Variants in ZFPM2 observed in about 807,000 individuals in gnomAD.
ZFPM2 encodes zinc finger protein, FOG family member 2, also known as zinc finger protein ZFPM2.
In ZFPM2, 20 loss-of-function variants were observed where a neutral mutation model predicts 98.6. The observed-to-expected ratio is 0.20, with a 90% CI of 0.14 to 0.29. The LOEUF is 0.29. ZFPM2 is among the 10% of genes least tolerant of loss of function. The pLI is 1.00. For missense variants in ZFPM2, 1,310 were observed against 1,388.6 expected, an observed-to-expected ratio of 0.94 and a Z score of 0.90; for synonymous variants, 518 against 502.7, an observed-to-expected ratio of 1.03 and a Z score of -0.41.
At chr8:105,585,225 A>C (rs1815686923) in intron 4 of ZFPM2, among the ~76,000 whole-genome samples, 1 of 152,230 alleles carries the variant, frequency 6.6e-6, no homozygotes, top group Admixed American at 6.5e-5. Context: ...CTATGAATAT[A>C]AGGTTTCTCT....
intron 4 of ZFPM2, among the ~76,000 whole-genome samples, chr8:105,586,002 GGT>G (rs142133685): frequency 0.17 from 24,135 of 142,268 alleles, 1,975 homozygotes; most frequent in South Asian, 0.2. Context: ...GGGGGGAAGG[GGT>G]GTGTGTGTGT....
chr8:105,385,997 A>G (rs1480751307), intron 1 of ZFPM2, among the ~76,000 whole-genome samples: 1 of 152,202 alleles, frequency 6.6e-6, no homozygotes, highest in African/African-American at 2.4e-5. Context: ...TCCCTCATCT[A>G]TAACACAGAG....
At chr8:105,460,005 G>T (rs1812674102) in intron 3 of ZFPM2, among the ~76,000 whole-genome samples, 1 of 152,078 alleles carries the variant, frequency 6.6e-6, no homozygotes, top group Non-Finnish European at 1.5e-5. Flanking sequence ...CTCACCCCTT[G>T]TTCCTAAATC....
Position 105,802,499 on chromosome 8 carries a change from A to C in ZFPM2, c.2417A>C (p.Asn806Thr). 1 of 1,612,644 alleles carries C rather than the reference A, an allele frequency of 6.2e-7. No homozygotes were observed. ...CACTTGGAAACTTCTCTGACGATCA[A>C]CAAGTGTGTTCCAGTTTCCAAATGT... Reference protein sequence around the residue: ...SKHLETSLTINKCVPVSKCDT... With the variant: ...SKHLETSLTITKCVPVSKCDT... Residue 806 changes from asparagine (N) to threonine (T), a missense_variant, in exon 8 of 8, where the codon AAC (asparagine) becomes ACC (threonine). Transcript: ENST00000407775.
intron 5 of ZFPM2, among the ~76,000 whole-genome samples, chr8:105,697,631 C>T (rs1796595967): frequency 6.6e-6 from 1 of 152,060 alleles, no homozygotes; most frequent in Admixed American, 6.6e-5. Flanking sequence ...ACTGTATTTC[C>T]TGCTGTATAA....
intron 1 of ZFPM2, among the ~76,000 whole-genome samples, chr8:105,398,571 G>T (rs1202099174): frequency 6.6e-6 from 1 of 152,070 alleles, no homozygotes; most frequent in African/African-American, 2.4e-5. Flanking sequence ...AAACGGGTCT[G>T]CCTCACATCA....
intron 4 of ZFPM2, among the ~76,000 whole-genome samples, 178 bp downstream of exon 4, chr8:105,561,659 T>C (rs1310795093): frequency 6.6e-6 from 1 of 152,154 alleles, no homozygotes; most frequent in East Asian, 1.9e-4. Context: ...CTGACAGTAA[T>C]ATACGCAGAA....
chr8:105,436,894 T>TC (rs1439136992), intron 2 of ZFPM2, among the ~76,000 whole-genome samples: 1 of 152,234 alleles, frequency 6.6e-6, no homozygotes, highest in Middle Eastern at 3.2e-3. Flanking sequence ...TAGAATCTGA[T>TC]CTTGATGACA....
chr8:105,508,478 C>T (rs1395234850), intron 3 of ZFPM2, among the ~76,000 whole-genome samples: 4 of 152,058 alleles, frequency 2.6e-5, no homozygotes, highest in African/African-American at 7.2e-5. Context: ...ATGTATTTCT[C>T]TCGTAACAAT....
intron 3 of ZFPM2, among the ~76,000 whole-genome samples, chr8:105,516,551 C>T (rs928970475): frequency 2.0e-5 from 3 of 152,098 alleles, no homozygotes; most frequent in African/African-American, 7.2e-5. Flanking sequence ...GGTCTATTTA[C>T]AGTTGAAATT....
chr8:105,336,863 C>G (rs534934946), intron 1 of ZFPM2, among the ~76,000 whole-genome samples: 43 of 151,740 alleles, frequency 2.8e-4, no homozygotes, highest in African/African-American at 9.9e-4. Flanking sequence ...CAGATCACTT[C>G]GTCTCATTTT....
At chr8:105,692,693 T>C (rs1346839433) in intron 5 of ZFPM2, among the ~76,000 whole-genome samples, 2 of 152,208 alleles carry the variant, frequency 1.3e-5, no homozygotes, top group East Asian at 3.8e-4. Flanking sequence ...ATAGGTACCA[T>C]GCTCATTTTG....
At chr8:105,500,718 T>A (rs1276273433) in intron 3 of ZFPM2, among the ~76,000 whole-genome samples, 1 of 152,160 alleles carries the variant, frequency 6.6e-6, no homozygotes, top group African/African-American at 2.4e-5. Context: ...ACCTATGTTG[T>A]TTTAAATTTT....
At chr8:105,787,345 ATTTG>A (rs1414037669) in intron 5 of ZFPM2, 1 of 152,194 alleles carries the variant, frequency 6.6e-6, no homozygotes, top group Non-Finnish European at 1.5e-5. Context: ...ATTTTAGTGT[ATTTG>A]TTTGTTACTT....
chr8:105,443,322 A>AC lies in ZFPM2; in HGVS notation c.200-958_200-957insC, dbSNP rs1563661116. The stretch of plus-strand genomic sequence containing the variant: ...AGTAAGACTCCTTCTCAAAAAACAA[A>AC]AAACAAAAAAAAAAAAACTTGGCAT... On this transcript the variant is annotated intron_variant, in intron 2 of 7. Coordinates refer to ENST00000407775, the MANE Select transcript of ZFPM2 (RefSeq NM_012082.4). Among the ~76,000 whole-genome samples the AC allele has an allele frequency of 1.8e-3, 271 of 148,004 alleles. 15 individuals carry two copies. Among genetic ancestry groups the AC allele is most frequent in the African/African-American group, 6.7e-3 (260 of 38,824 alleles).
chr8:105,499,570 G>A (rs1298677067), intron 3 of ZFPM2, among the ~76,000 whole-genome samples: 1 of 152,166 alleles, frequency 6.6e-6, no homozygotes, highest in Non-Finnish European at 1.5e-5. Context: ...GGTTTTAATG[G>A]AAGGAGAGAA....
intron 4 of ZFPM2, among the ~76,000 whole-genome samples, chr8:105,623,630 A>T (rs1050468301): frequency 6.6e-6 from 1 of 152,198 alleles, no homozygotes; most frequent in African/African-American, 2.4e-5. Flanking sequence ...CATTCATGAA[A>T]GATGGACACA....
intron 3 of ZFPM2, among the ~76,000 whole-genome samples, chr8:105,491,487 T>C (rs901171643): frequency 5.9e-5 from 9 of 152,158 alleles, no homozygotes; most frequent in Admixed American, 5.9e-4. Flanking sequence ...TTTATCACAG[T>C]GCACAGGCTG....
chr8:105,394,349 GCTAA>G lies in ZFPM2; in HGVS notation c.41-24792_41-24789del, dbSNP rs1336656364. Among the ~76,000 whole-genome samples, 13 of 152,250 alleles carry G rather than the reference GCTAA, an allele frequency of 8.5e-5. No individual in the cohort carries two copies. In the South Asian group the frequency reaches 1.7e-3, roughly 19 times the overall value. On this transcript the variant is annotated intron_variant, in intron 1 of 7. Coordinates refer to ENST00000407775, the MANE Select transcript of ZFPM2 (RefSeq NM_012082.4). ...ATATAATATGTCTGTTTACTGACAT[GCTAA>G]CTCTGTGGAAATGTATCACTTTTCT...
Sources: allele counts gnomAD v4.1 joint callset (sites outside exome capture counted in the v4.1 genomes callset), GRCh38; gene constraint gnomAD v4.1.1; transcripts MANE v1.5; gene names NCBI Gene and HGNC (gene_info 2026-07-23, HGNC 2026-07-21).